Variants in PTPRR observed in about 807,000 individuals in gnomAD.
PTPRR encodes protein tyrosine phosphatase receptor type R.
A neutral mutation model predicts 77.2 loss-of-function variants in PTPRR; 38 were observed. The ratio of observed to expected loss-of-function variants is 0.49; its 90% CI spans 0.38 to 0.65. The LOEUF (loss-of-function observed/expected upper bound fraction) is 0.65, where lower values mean the gene tolerates loss of function less well. Ranked by LOEUF, PTPRR falls within the 30% of genes least tolerant of loss-of-function variation. The probability of loss-of-function intolerance (pLI) is 0.00; values close to 1 mark genes in which losing one functional copy is unlikely to be tolerated. For synonymous variants in PTPRR, 299 were observed against 283.1 expected (o/e 1.06, Z -0.57); for missense variants, 744 against 799.2 (o/e 0.93, Z 0.83).
At chr12:70,911,425 G>A (rs1312852332) in intron 1 of PTPRR, among the ~76,000 whole-genome samples, 2 of 152,218 alleles carry the variant, frequency 1.3e-5, no homozygotes, top group South Asian at 2.1e-4. Flanking sequence ...TGTATCCTAG[G>A]ACAAGTCTAG....
intron 10 of PTPRR, among the ~76,000 whole-genome samples, chr12:70,682,767 T>C (rs949496222): frequency 6.6e-6 from 1 of 152,208 alleles, no homozygotes; most frequent in Non-Finnish European, 1.5e-5. Flanking sequence ...AATATGTTGA[T>C]AGATTGACAC....
intron 13 of PTPRR, among the ~76,000 whole-genome samples, chr12:70,653,371 T>G (rs1886463609): frequency 6.6e-6 from 1 of 152,122 alleles, no homozygotes; most frequent in Non-Finnish European, 1.5e-5. Context: ...GCAGCAATTA[T>G]AAGAGGAGAA....
chr12:70,703,774 A>T (rs772531718), intron 6 of PTPRR, among the ~76,000 whole-genome samples: 1 of 152,222 alleles, frequency 6.6e-6, no homozygotes, highest in East Asian at 1.9e-4. Context: ...CATTCAGTCA[A>T]ATTTTCAGCC....
intron 2 of PTPRR, among the ~76,000 whole-genome samples, chr12:70,871,002 C>G (rs12306153): frequency 0.21 from 31,478 of 152,142 alleles, 5,938 homozygotes; most frequent in African/African-American, 0.51. Flanking sequence ...TAGAGGTTCA[C>G]TGAACTTTGA....
In PTPRR at chr12:70,873,516, A is replaced by G. The variant is rs183149980; in HGVS notation, c.357+19163T>C. Among the ~76,000 whole-genome samples the G allele has an allele frequency of 1.1e-3, 170 of 152,332 alleles. 1 individual carries two copies. In the East Asian group the frequency reaches 0.026, roughly 24 times the overall value. ...TCAGCTTTGTTGAGTCTACAATAAAAGTAAAAGGAATTGAAATGAACAATG... is the reference window on the plus strand; with the variant it reads ...TCAGCTTTGTTGAGTCTACAATAAAGGTAAAAGGAATTGAAATGAACAATG... On this transcript the variant is annotated intron_variant, in intron 2 of 13. Transcript: ENST00000283228.
At chr12:70,787,055 A>C (rs897574945) in intron 2 of PTPRR, among the ~76,000 whole-genome samples, 2 of 152,220 alleles carry the variant, frequency 1.3e-5, no homozygotes, top group Non-Finnish European at 2.9e-5. Flanking sequence ...GCACCTTGAG[A>C]ACTGTCTCAT....
At chr12:70,765,343 A>G (rs993612101) in intron 2 of PTPRR, among the ~76,000 whole-genome samples, 1 of 152,154 alleles carries the variant, frequency 6.6e-6, no homozygotes, top group African/African-American at 2.4e-5. Context: ...AAAAAATGGC[A>G]CACCAGGAGA....
intron 2 of PTPRR, among the ~76,000 whole-genome samples, chr12:70,783,302 C>T (rs995968986): frequency 1.3e-5 from 2 of 152,016 alleles, no homozygotes; most frequent in Admixed American, 1.3e-4. Flanking sequence ...GAGGGTAGCT[C>T]CTCTCTGCTA....
intron 3 of PTPRR, among the ~76,000 whole-genome samples, chr12:70,764,194 T>C (rs1890758865): frequency 6.6e-6 from 1 of 152,030 alleles, no homozygotes; most frequent in African/African-American, 2.4e-5. Flanking sequence ...TACTTGAAAG[T>C]ATATCAATAA....
At chr12:70,650,676 G>A (rs889595376) in intron 13 of PTPRR, among the ~76,000 whole-genome samples, 5 of 152,186 alleles carry the variant, frequency 3.3e-5, no homozygotes, top group Admixed American at 3.3e-4. Flanking sequence ...GTCTAGTGAT[G>A]CCTGTTGAAT....
intron 4 of PTPRR, among the ~76,000 whole-genome samples, chr12:70,756,432 G>T (rs191192968): frequency 6.6e-6 from 1 of 152,218 alleles, no homozygotes; most frequent in East Asian, 1.9e-4. Flanking sequence ...GGACAAGTTT[G>T]TAGTTAAGAG....
intron 2 of PTPRR, among the ~76,000 whole-genome samples, chr12:70,818,033 G>A (rs1031419987): frequency 6.6e-6 from 1 of 152,004 alleles, no homozygotes; most frequent in African/African-American, 2.4e-5. Flanking sequence ...CCAACATGGT[G>A]AAACCCCATC....
At chr12:70,846,669 C>A (rs529760272) in intron 2 of PTPRR, among the ~76,000 whole-genome samples, 24 of 152,098 alleles carry the variant, frequency 1.6e-4, no homozygotes, top group East Asian at 1.2e-3. Flanking sequence ...TTGTTTGCCC[C>A]CTTCCACCAT....
intron 2 of PTPRR, chr12:70,788,992 C>T (rs1047809262): frequency 7.4e-5 from 66 of 891,124 alleles, no homozygotes; most frequent in Middle Eastern, 4.5e-4. Flanking sequence ...TCTAGAGACA[C>T]TGCGGATCCC....
chr12:70,666,538 A>C (rs1476080956), intron 10 of PTPRR, among the ~76,000 whole-genome samples: 2 of 152,204 alleles, frequency 1.3e-5, no homozygotes, highest in Non-Finnish European at 2.9e-5. Flanking sequence ...AAAGAGCTTT[A>C]TGAGATAATT....
intron 13 of PTPRR, among the ~76,000 whole-genome samples, chr12:70,649,629 G>A (rs1886322668): frequency 6.6e-6 from 1 of 152,126 alleles, no homozygotes; most frequent in African/African-American, 2.4e-5. Context: ...AGCCTGGAGT[G>A]CAGTGGCGTG....
intron 7 of PTPRR, among the ~76,000 whole-genome samples, chr12:70,699,855 C>T (rs1387868766): frequency 6.6e-6 from 1 of 152,202 alleles, no homozygotes; most frequent in Non-Finnish European, 1.5e-5. Context: ...TCTTCCTTCT[C>T]ACCTTCTGTT....
At chr12:70,768,142 G>C (rs1255799539) in intron 2 of PTPRR, among the ~76,000 whole-genome samples, 1 of 152,038 alleles carries the variant, frequency 6.6e-6, no homozygotes, top group African/African-American at 2.4e-5. Flanking sequence ...AAAGCTAGCA[G>C]AAGGCAAGAA....
chr12:70,704,795 T>C (rs1888557787), intron 6 of PTPRR, among the ~76,000 whole-genome samples: 1 of 151,960 alleles, frequency 6.6e-6, no homozygotes, highest in Admixed American at 6.6e-5. Context: ...TCAACATAAA[T>C]AATAGGAGAA....
Sources: allele counts gnomAD v4.1 joint callset (sites outside exome capture counted in the v4.1 genomes callset), GRCh38; gene constraint gnomAD v4.1.1; transcripts MANE v1.5; gene names NCBI Gene and HGNC (gene_info 2026-07-23, HGNC 2026-07-21).